Variants in UCHL3 observed in about 807,000 individuals in gnomAD.
UCHL3 encodes the protein ubiquitin carboxyl-terminal hydrolase isozyme L3.
Under a neutral mutation model 35.8 loss-of-function variants are expected in UCHL3, and 22 were observed. The observed-to-expected ratio is 0.61, with a 90% confidence interval of 0.44 to 0.88. The LOEUF (loss-of-function observed/expected upper bound fraction) is 0.88, where lower values mean the gene tolerates loss of function less well. Among genes scored for constraint, UCHL3 ranks in the 40% least tolerant of loss-of-function variants. The pLI, the probability that UCHL3 is intolerant of heterozygous loss-of-function variation, is 0.00. For missense variants in UCHL3, 229 were observed against 276.9 expected, an observed-to-expected ratio of 0.83 and a Z score of 1.23; for synonymous variants, 90 against 92.8, an observed-to-expected ratio of 0.97 and a Z score of 0.17.
chr13:75,549,752 G>T (rs2031000631), upstream of UCHL3: 5 of 1,455,950 alleles, frequency 3.4e-6, no homozygotes, highest in South Asian at 7.2e-5. Flanking sequence ...GTCAAGGCGC[G>T]CGTGGGCGGA....
intron 5 of UCHL3, chr13:75,569,012 T>C (rs554320784): frequency 1.3e-5 from 2 of 152,614 alleles, no homozygotes; most frequent in Non-Finnish European, 2.9e-5. Flanking sequence ...GCTCCACATT[T>C]CTCAATTGCT....
At chr13:75,575,165 A>G (rs1446019338) in intron 6 of UCHL3, among the ~76,000 whole-genome samples, 1 of 152,206 alleles carries the variant, frequency 6.6e-6, no homozygotes, top group Non-Finnish European at 1.5e-5. Context: ...TGAGTCACCA[A>G]AATACAGTAG....
intron 2 of UCHL3, among the ~76,000 whole-genome samples, chr13:75,558,186 T>C (rs1448598566): frequency 3.3e-5 from 5 of 152,178 alleles, no homozygotes; most frequent in Admixed American, 3.3e-4. Context: ...TTGATATGAG[T>C]AAGAAGTTAA....
intron 3 of UCHL3, 140 bp downstream of exon 3, chr13:75,561,021 C>T (rs2031475939): frequency 4.2e-6 from 3 of 720,752 alleles, no homozygotes; most frequent in Non-Finnish European, 6.1e-6. Context: ...GTCTCAACCT[C>T]CCAGGCTCAA....
At chr13:75,566,900 A>T (rs780656144) in intron 4 of UCHL3, 49 bp downstream of exon 4, 10 of 1,545,470 alleles carry the variant, frequency 6.5e-6, no homozygotes, top group Non-Finnish European at 8.7e-6. Flanking sequence ...GATACAAGTT[A>T]ATTGCATTGA....
intron 6 of UCHL3, among the ~76,000 whole-genome samples, chr13:75,575,203 A>C (rs2031982099): frequency 6.6e-6 from 1 of 152,218 alleles, no homozygotes; most frequent in Non-Finnish European, 1.5e-5. Flanking sequence ...GCCATAGCAT[A>C]CTGCTCTAGA....
intron 2 of UCHL3, among the ~76,000 whole-genome samples, chr13:75,552,413 A>G (rs1040177232): frequency 2.6e-5 from 4 of 152,200 alleles, no homozygotes; most frequent in Non-Finnish European, 5.9e-5. Flanking sequence ...TGGTAATTGC[A>G]TGTGTTGTTA....
intron 6 of UCHL3, among the ~76,000 whole-genome samples, chr13:75,585,532 G>A (rs999111854): frequency 6.6e-6 from 1 of 151,242 alleles, no homozygotes; most frequent in African/African-American, 2.5e-5. Context: ...TCATTATGCT[G>A]AAACAGTACA....
intron 6 of UCHL3, among the ~76,000 whole-genome samples, chr13:75,583,195 C>T (rs1285118579): frequency 6.6e-6 from 1 of 152,022 alleles, no homozygotes; most frequent in African/African-American, 2.4e-5. Flanking sequence ...CTTTGCCTGC[C>T]CCCAGGCCTT....
chr13:75,601,086 C>G (rs971480199), intron 7 of UCHL3, among the ~76,000 whole-genome samples: 1 of 152,206 alleles, frequency 6.6e-6, no homozygotes, highest in African/African-American at 2.4e-5. Flanking sequence ...GAAGATGTGA[C>G]TGAACTGCTG....
At position 75,549,795 on chromosome 13, in the gene UCHL3, G is replaced by C. The variant is rs367636758; in HGVS notation, c.-26G>C. The C allele has an allele frequency of 2.6e-6, 4 of 1,523,066 alleles. No individual in the cohort carries two copies. Among genetic ancestry groups the C allele is most frequent in the African/African-American group, 1.4e-5 (1 of 71,728 alleles). The allele number at this position is 1,523,066 out of a possible 1,614,324, so 94.3% of individuals were successfully genotyped here. Reference sequence around the variant, plus strand: ...GCGGCGGCGAAGGCGGCGGCTGTCAGAGCTGGAGGGCCGGGCACCGCGGCC... The same window carrying C: ...GCGGCGGCGAAGGCGGCGGCTGTCACAGCTGGAGGGCCGGGCACCGCGGCC... On this transcript the variant is annotated 5_prime_UTR_variant, in exon 1 of 9. Transcript: ENST00000377595.
At chr13:75,571,261 C>T (rs1308819082) in intron 6 of UCHL3, among the ~76,000 whole-genome samples, 3 of 152,108 alleles carry the variant, frequency 2.0e-5, no homozygotes, top group Non-Finnish European at 4.4e-5. Flanking sequence ...TTTTGCCATA[C>T]TTCTCTTGCC....
At chr13:75,549,929 G>C in intron 1 of UCHL3, 47 bp from the exon 2 acceptor site, 2 of 1,614,202 alleles carry the variant, frequency 1.2e-6, no homozygotes, top group Non-Finnish European at 1.7e-6. Flanking sequence ...GCTGCCGCGA[G>C]TCCACGGTGG....
intron 6 of UCHL3, among the ~76,000 whole-genome samples, chr13:75,587,089 G>C (rs1244591449): frequency 6.7e-6 from 1 of 148,898 alleles, no homozygotes; most frequent in Non-Finnish European, 1.5e-5. Context: ...GGTAAAAGCA[G>C]AAGTCAATGA....
chr13:75,605,670 T>C, intron 8 of UCHL3, 59 bp from the exon 9 acceptor site: 1 of 1,495,396 alleles, frequency 6.7e-7, no homozygotes, highest in Non-Finnish European at 9.2e-7. Flanking sequence ...GAAATGTTTA[T>C]CATTTGTAAG....
intron 6 of UCHL3, among the ~76,000 whole-genome samples, chr13:75,577,240 T>C (rs1328411752): frequency 6.6e-6 from 1 of 152,100 alleles, no homozygotes; most frequent in Non-Finnish European, 1.5e-5. Context: ...ACAGAGACCT[T>C]GTCTCAGACA....
chr13:75,567,943 TC>T, intron 5 of UCHL3, among the ~76,000 whole-genome samples: 1 of 152,268 alleles, frequency 6.6e-6, no homozygotes. Context: ...ACCCTGTGTA[TC>T]TTTTATTGGG....
chr13:75,575,495 T>C (rs1181301181), intron 6 of UCHL3, among the ~76,000 whole-genome samples: 1 of 152,206 alleles, frequency 6.6e-6, no homozygotes, highest in African/African-American at 2.4e-5. Flanking sequence ...TAGAATAAAA[T>C]AGTGTTATTA....
At position 75,549,817 on chromosome 13, in the gene UCHL3, G is replaced by T; in HGVS notation, c.-4G>T. On this transcript the variant is annotated 5_prime_UTR_variant, in exon 1 of 9. Coordinates refer to ENST00000377595, the MANE Select transcript of UCHL3 (RefSeq NM_006002.5). ...TCAGAGCTGGAGGGCCGGGCACCGC[G>T]GCCATGGAGGGTCAACGCTGGCTGC... is the stretch of plus-strand genomic sequence containing the variant. The T allele has an allele frequency of 6.4e-7, 1 of 1,556,662 alleles. No homozygotes were observed. The highest frequency in any genetic ancestry group is 8.6e-7 in the Non-Finnish European group (1 of 1,156,422).
Sources: gnomAD v4.1 joint callset for allele counts (sites outside exome capture counted in the v4.1 genomes callset) on GRCh38, gnomAD v4.1.1 for gene constraint, MANE v1.5 for transcripts, NCBI Gene and HGNC (gene_info 2026-07-23, HGNC 2026-07-21) for gene names.